The following SPOCD1 variants were observed in gnomAD, a reference collection of about 807,000 sequenced individuals.
The protein encoded by SPOCD1 is SPOC domain containing 1, also known as SPOC domain-containing protein 1.
In SPOCD1, 64 loss-of-function variants were observed where a neutral mutation model predicts 92.2. That is an observed-to-expected ratio of 0.69 (90% CI 0.57 to 0.86). The LOEUF is 0.86. SPOCD1 is among the 40% of genes least tolerant of loss of function. The pLI, the probability that SPOCD1 is intolerant of heterozygous loss-of-function variation, is 0.00. For synonymous variants in SPOCD1, 578 were observed against 619.3 expected (o/e 0.93, Z 0.99); for missense variants, 1,360 against 1,543.1 (o/e 0.88, Z 1.99).
chr1:31,804,533 C>G (rs1265352754), intron 2 of SPOCD1, among the ~76,000 whole-genome samples: 1 of 151,926 alleles, frequency 6.6e-6, no homozygotes, highest in Non-Finnish European at 1.5e-5. Context: ...CAATTGTGGA[C>G]CCAGACAAAA....
chr1:31,791,374 G>A (rs919631135), intron 15 of SPOCD1, 83 bp from the exon 16 acceptor site: 35 of 1,153,270 alleles, frequency 3.0e-5, no homozygotes, highest in Non-Finnish European at 4.1e-5. Context: ...AGTGAGATGG[G>A]GCCCATGAGA....
At chr1:31,811,333 T>C (rs1424138646) in intron 2 of SPOCD1, among the ~76,000 whole-genome samples, 9 of 152,054 alleles carry the variant, frequency 5.9e-5, no homozygotes, top group Admixed American at 5.2e-4. Flanking sequence ...TAGCCGGGCA[T>C]GGTGGCCCAC....
chr1:31,794,091 C>T, intron 11 of SPOCD1, 33 bp downstream of exon 11: 1 of 1,600,166 alleles, frequency 6.2e-7, no homozygotes, highest in Non-Finnish European at 8.6e-7. Context: ...AGCCTGGCTG[C>T]CACCCCTGCA....
At position 31,791,274 on chromosome 1, in the gene SPOCD1, C is replaced by G. The variant is rs777772493; in HGVS notation, c.2980G>C (p.Val994Leu). The G allele has an allele frequency of 1.3e-6, 2 of 1,539,036 alleles. No individual in the cohort carries two copies. The highest frequency in any genetic ancestry group is 2.0e-5 in the Admixed American group (1 of 49,616). Reference protein sequence around the residue: ...LGGPGLWALPVSPLLSPGLEV... With the variant: ...LGGPGLWALPLSPLLSPGLEV... ...AGACCTGGGGAAAGGAGAGGGGAGACAGGAAGAGCCCAAAGGCCTGCGGGG... is the reference window on the plus strand; with the variant it reads ...AGACCTGGGGAAAGGAGAGGGGAGAGAGGAAGAGCCCAAAGGCCTGCGGGG... Residue 994 changes from valine (V) to leucine (L), a missense_variant, in exon 16 of 16, where the codon GTC (valine) becomes CTC (leucine). Val to Leu is a conservative substitution (Grantham distance 32). Coordinates refer to ENST00000360482, the MANE Select transcript of SPOCD1 (RefSeq NM_144569.7).
At chr1:31,796,416 C>A in intron 10 of SPOCD1, 174 bp downstream of exon 10, 1 of 1,026,726 alleles carries the variant, frequency 9.7e-7, no homozygotes, top group Non-Finnish European at 1.4e-6. Context: ...GCCAGCAGCA[C>A]TGTCCCACCC....
rs140372523 is a variant in SPOCD1 at position 31,803,912 on chromosome 1, TTAATC to T, written c.1384-2212_1384-2208del. On this transcript the variant is annotated intron_variant, in intron 2 of 15. Coordinates refer to ENST00000360482, the MANE Select transcript of SPOCD1 (RefSeq NM_144569.7). ...AGGAAGGAAGGAAGGGTGAAAATGA[TTAATC>T]TAAAGTTCCAGAAGGAGAGAGGAAA... 7.1e-3 allele frequency among the ~76,000 whole-genome samples: 1,070 copies of T among 151,676 alleles called. 5 individuals carry two copies. The highest frequency in any genetic ancestry group is 0.024 in the African/African-American group (1,009 of 41,342).
intron 10 of SPOCD1, 64 bp from the exon 11 acceptor site, chr1:31,794,299 G>C: frequency 8.1e-7 from 1 of 1,240,436 alleles, no homozygotes. Flanking sequence ...AGGCCTCCAT[G>C]GGTAGGGGGC....
chr1:31,791,405 A>C, intron 15 of SPOCD1, 114 bp from the exon 16 acceptor site: 2 of 807,246 alleles, frequency 2.5e-6, no homozygotes, highest in Non-Finnish European at 3.6e-6. Context: ...AGTAAGTAGG[A>C]AGGTGGGGCT....
chr1:31,792,867 T>A, intron 13 of SPOCD1, 100 bp from the exon 14 acceptor site: 1 of 949,756 alleles, frequency 1.1e-6, no homozygotes, highest in Non-Finnish European at 1.7e-6. Flanking sequence ...GTGGCAAATA[T>A]GGGCAGGCAG....
chr1:31,793,454 C>T, intron 12 of SPOCD1, 26 bp from the exon 13 acceptor site: 3 of 1,572,078 alleles, frequency 1.9e-6, no homozygotes, highest in Non-Finnish European at 2.6e-6. Flanking sequence ...GAAGACAGGG[C>T]CAGACAGAGC....
chr1:31,794,434 C>T (rs1486930264), intron 10 of SPOCD1, 199 bp from the exon 11 acceptor site: 1 of 468,706 alleles, frequency 2.1e-6, no homozygotes, highest in African/African-American at 2.0e-5. Context: ...CTTCTTGTCA[C>T]ACCACTCAGA....
chr1:31,796,844 G>C (rs560549030), intron 9 of SPOCD1, 129 bp from the exon 10 acceptor site: 1 of 1,281,876 alleles, frequency 7.8e-7, no homozygotes, highest in South Asian at 1.4e-5. Context: ...TTTTACTTCC[G>C]CCATACCCCT....
chr1:31,795,524 C>T (rs1208588536), intron 10 of SPOCD1: 1 of 152,208 alleles, frequency 6.6e-6, no homozygotes, highest in Non-Finnish European at 1.5e-5. Context: ...CCTCCCCTCC[C>T]ACCTCCTCTC....
intron 15 of SPOCD1, 104 bp downstream of exon 15, chr1:31,792,111 C>T: frequency 5.3e-6 from 7 of 1,312,998 alleles, no homozygotes; most frequent in Non-Finnish European, 7.3e-6. Flanking sequence ...TGAGGAGTTC[C>T]CTTCTGAGAT....
Position 31,792,255 on chromosome 1 carries a change from G to A in SPOCD1, c.2922C>T (p.Phe974=). The A allele has an allele frequency of 1.2e-6, 2 of 1,612,524 alleles. No individual in the cohort carries two copies. Among genetic ancestry groups the A allele is most frequent in the Non-Finnish European group, 1.7e-6 (2 of 1,179,402 alleles). ...GGCGCAGCCTGGTGGGCAGGGGCTG[G>A]AAGGCAGGCAGGGGCAGCAGGACCA... The part of the protein sequence containing the change: ...MGMVLLPLPA[F]QPLPTRLRPL... Residue 974 remains phenylalanine, a synonymous_variant, in exon 15 of 16, where the codon TTC becomes TTT. Coordinates refer to ENST00000360482, the MANE Select transcript of SPOCD1 (RefSeq NM_144569.7).
Position 31,793,290 on chromosome 1 carries a change from A to G in SPOCD1, c.2673T>C (p.Cys891=). 3 of 1,594,256 alleles carry G rather than the reference A, an allele frequency of 1.9e-6. No homozygotes were observed. Among genetic ancestry groups the G allele is most frequent in the Non-Finnish European group, 2.6e-6 (3 of 1,170,570 alleles). ...AGGGCAGGTGCACCTGGACAAGCCG[A>G]CAGCTGTGTCCCGAGACCAGCTGGG... ...ARAQLVSGHS[C]RLVQALPTVI... is the part of the protein sequence containing the mutation. Residue 891 remains cysteine, a synonymous_variant, in exon 13 of 16, where the codon TGT becomes TGC. Coordinates refer to ENST00000360482, the MANE Select transcript of SPOCD1 (RefSeq NM_144569.7).
chr1:31,798,450 T>C lies in SPOCD1; in HGVS notation c.2020A>G (p.Arg674Gly). The change falls in exon 8 of 16, where the codon AGG (arginine) becomes GGG (glycine). Residue 674 changes from arginine (R) to glycine (G), a missense_variant. Arg to Gly is a moderately radical substitution (Grantham distance 125, BLOSUM62 -2). Coordinates refer to ENST00000360482, the MANE Select transcript of SPOCD1 (RefSeq NM_144569.7). The surrounding 1 kb of genome is among the most constrained non-coding windows in gnomAD (Gnocchi z 4.1). ...RSLLFNLRDP[R>G]NLDLFLKVVH... ...CCCAAAGCCCTGCTCACCAGGTTCC[T>C]GGGGTCCCGCAGGTTGAACAGCAGG... 1 of 1,609,076 alleles carries C rather than the reference T, an allele frequency of 6.2e-7. No individual in the cohort carries two copies.
In SPOCD1 at chr1:31,791,077, C is replaced by G; in HGVS notation, c.3177G>C (p.Leu1059=). ...CACCTCCTGGGGGAGGGGTGCCCTTCAGGGGCACATTCGGCCTCCTGTCAT... is the reference window on the plus strand; with the variant it reads ...CACCTCCTGGGGGAGGGGTGCCCTTGAGGGGCACATTCGGCCTCCTGTCAT... The part of the protein sequence containing the change: ...QPDDRRPNVP[L]KGTPPPGGAW... The change falls in exon 16 of 16, where the codon CTG becomes CTC. Residue 1059 remains leucine (L), a synonymous_variant. Coordinates refer to ENST00000360482, the MANE Select transcript of SPOCD1 (RefSeq NM_144569.7). The G allele has an allele frequency of 6.2e-7, 1 of 1,613,048 alleles. No homozygotes were observed. Among genetic ancestry groups the G allele is most frequent in the Non-Finnish European group, 8.5e-7 (1 of 1,179,916 alleles).
chr1:31,813,449 G>C (rs1649332702), intron 2 of SPOCD1, among the ~76,000 whole-genome samples: 1 of 152,202 alleles, frequency 6.6e-6, no homozygotes, highest in African/African-American at 2.4e-5. Context: ...ATTTTTAGTA[G>C]AGACAGGGTT....
Sources: gnomAD v4.1 joint callset for allele counts (sites outside exome capture counted in the v4.1 genomes callset) on GRCh38, gnomAD v4.1.1 for gene constraint, Gnocchi (gnomAD v3.1) non-coding constraint, MANE v1.5 for transcripts, NCBI Gene and HGNC (gene_info 2026-07-23, HGNC 2026-07-21) for gene names.